Variants in ATP10B observed in about 807,000 individuals in gnomAD.
ATP10B encodes the protein ATPase phospholipid transporting 10B (putative).
Under a neutral mutation model 141.2 loss-of-function variants are expected in ATP10B, and 122 were observed. That is an observed-to-expected ratio of 0.86 (90% CI 0.75 to 1.00). The LOEUF is 1.00. Ranked by LOEUF, ATP10B falls within the 50% of genes least tolerant of loss-of-function variation. The pLI is 0.00. For missense variants in ATP10B, 1,876 were observed against 1,825.3 expected (o/e 1.03, Z -0.51); for synonymous variants, 685 against 692.0 (o/e 0.99, Z 0.16).
rs10042833 is a variant in ATP10B at position 160,793,345 on chromosome 5, C to T, written c.-575-7542G>A. The stretch of plus-strand genomic sequence containing the variant: ...AATATGTTCCAAAGCCTTTTACAAT[C>T]GAATAGCACTTAATTATCAGAGAAG... On this transcript the variant is annotated intron_variant, in intron 1 of 25. Coordinates refer to ENST00000327245, the MANE Select transcript of ATP10B (RefSeq NM_025153.3). Among the ~76,000 whole-genome samples, 615 of 152,158 alleles carry T rather than the reference C, an allele frequency of 4.0e-3. 4 individuals are homozygous for T. Among genetic ancestry groups the T allele is most frequent in the African/African-American group, 0.014 (568 of 41,508 alleles).
intron 1 of ATP10B, among the ~76,000 whole-genome samples, chr5:160,808,538 A>G (rs1772939236): frequency 6.6e-6 from 1 of 152,190 alleles, no homozygotes; most frequent in South Asian, 2.1e-4. Context: ...CTTCCTAATT[A>G]TCATTCCATT....
intron 10 of ATP10B, among the ~76,000 whole-genome samples, chr5:160,638,359 G>A (rs566734005): frequency 6.6e-6 from 1 of 152,258 alleles, no homozygotes; most frequent in Non-Finnish European, 1.5e-5. Context: ...TGGAGACACA[G>A]TGAGATGATC....
the ATP10B span, among the ~76,000 whole-genome samples, chr5:160,926,235 G>A: frequency 6.6e-6 from 1 of 152,278 alleles, no homozygotes; most frequent in South Asian, 2.1e-4. Context: ...TGCTGATATT[G>A]CTATTATCTC....
chr5:160,821,201 G>A (rs1774075009), intron 1 of ATP10B, among the ~76,000 whole-genome samples: 1 of 152,010 alleles, frequency 6.6e-6, no homozygotes, highest in African/African-American at 2.4e-5. Context: ...ATAATCAGTA[G>A]CATTTTTATA....
chr5:160,870,502 A>C, the ATP10B span, among the ~76,000 whole-genome samples: 2 of 152,210 alleles, frequency 1.3e-5, no homozygotes, highest in Admixed American at 1.3e-4. Flanking sequence ...AAAACATAAC[A>C]AAAACCTCCA....
intron 9 of ATP10B, 152 bp downstream of exon 9, chr5:160,643,986 C>T (rs1760080924): frequency 1.6e-6 from 1 of 638,534 alleles, no homozygotes; most frequent in Admixed American, 2.4e-5. Flanking sequence ...GCTGTGATTC[C>T]CAGCCTCCGT....
chr5:160,724,142 G>A (rs766817702), intron 2 of ATP10B, among the ~76,000 whole-genome samples: 8 of 152,072 alleles, frequency 5.3e-5, no homozygotes, highest in Admixed American at 6.6e-5. Context: ...AGGATGGGAG[G>A]AGGGAGAGGA....
At chr5:160,592,899 T>G (rs1357333926) in intron 22 of ATP10B, among the ~76,000 whole-genome samples, 1 of 152,128 alleles carries the variant, frequency 6.6e-6, no homozygotes, top group Non-Finnish European at 1.5e-5. Context: ...CTTAGGTAAA[T>G]AAAGCAGCTG....
chr5:160,921,816 T>C, the ATP10B span, among the ~76,000 whole-genome samples: 1 of 152,240 alleles, frequency 6.6e-6, no homozygotes, highest in African/African-American at 2.4e-5. Flanking sequence ...GACCTTTACC[T>C]TCACTCGCAG....
chr5:160,824,506 C>G (rs1774425726), intron 1 of ATP10B, among the ~76,000 whole-genome samples: 1 of 152,144 alleles, frequency 6.6e-6, no homozygotes, highest in Admixed American at 6.5e-5. Context: ...GGCCAACAAT[C>G]TGAGAAATGT....
At chr5:160,649,388 G>T in intron 7 of ATP10B, 132 bp from the exon 8 acceptor site, 1 of 655,058 alleles carries the variant, frequency 1.5e-6, no homozygotes, top group Admixed American at 3.2e-5. Context: ...TTTGATAGTT[G>T]TAATGTGTCA....
At chr5:160,613,573 A>T (rs1005691701) in intron 17 of ATP10B, among the ~76,000 whole-genome samples, 1 of 152,252 alleles carries the variant, frequency 6.6e-6, no homozygotes, top group Non-Finnish European at 1.5e-5. Flanking sequence ...AAAGCTACTT[A>T]GGAGGCCAGG....
chr5:160,896,239 CA>C, the ATP10B span, among the ~76,000 whole-genome samples: 22,929 of 146,786 alleles, frequency 0.16, 1,861 homozygotes, highest in East Asian at 0.31. Flanking sequence ...AAAAACCCTT[CA>C]AAAAAAAAAA....
intron 7 of ATP10B, among the ~76,000 whole-genome samples, chr5:160,660,191 C>T (rs77192721): frequency 2.6e-5 from 4 of 152,164 alleles, no homozygotes; most frequent in African/African-American, 9.7e-5. Flanking sequence ...TTAAAAGTGT[C>T]CTAGTTCTGT....
At chr5:160,762,660 ACC>A (rs368311198) in intron 2 of ATP10B, among the ~76,000 whole-genome samples, 2 of 152,094 alleles carry the variant, frequency 1.3e-5, no homozygotes, top group East Asian at 1.9e-4. Flanking sequence ...TGAAAAAAAA[ACC>A]CACAAAGTAT....
intron 25 of ATP10B, among the ~76,000 whole-genome samples, chr5:160,566,483 T>C (rs1404573043): frequency 6.6e-6 from 1 of 152,214 alleles, no homozygotes; most frequent in African/African-American, 2.4e-5. Flanking sequence ...CATATTACTA[T>C]GATTTGCCAG....
At chr5:160,783,853 A>G (rs887813279) in intron 2 of ATP10B, among the ~76,000 whole-genome samples, 4 of 152,002 alleles carry the variant, frequency 2.6e-5, no homozygotes, top group African/African-American at 9.7e-5. Flanking sequence ...TCCCACAAGC[A>G]GTGTAGAAGT....
chr5:160,744,631 C>T (rs1368111165), intron 2 of ATP10B, among the ~76,000 whole-genome samples: 1 of 152,204 alleles, frequency 6.6e-6, no homozygotes, highest in Non-Finnish European at 1.5e-5. Flanking sequence ...TGTAGAGTAA[C>T]ACTTGGGATA....
At position 160,716,940 on chromosome 5, in the gene ATP10B, C is replaced by G. The variant is rs946236328; in HGVS notation, c.-236G>C. Reference sequence around the variant, plus strand: ...GCGGAGTCCCTTTAAGGAGGTTAGACCAGTGACCTTTGCTGTGCCCCTACA... The same window carrying G: ...GCGGAGTCCCTTTAAGGAGGTTAGAGCAGTGACCTTTGCTGTGCCCCTACA... On this transcript the variant is annotated 5_prime_UTR_variant, in exon 3 of 26. Transcript: ENST00000327245. The G allele has an allele frequency of 2.0e-5, 20 of 985,360 alleles. No homozygotes were observed. Among genetic ancestry groups the G allele is most frequent in the Non-Finnish European group, 2.3e-5 (19 of 829,914 alleles). 61.0% of individuals were successfully genotyped at this position (985,360 alleles called of 1,614,324 possible).
Sources: allele counts gnomAD v4.1 joint callset (sites outside exome capture counted in the v4.1 genomes callset), GRCh38; gene constraint gnomAD v4.1.1; transcripts MANE v1.5; gene names NCBI Gene and HGNC (gene_info 2026-07-23, HGNC 2026-07-21).